The following MAGI2 variants were observed in gnomAD, a reference collection of about 807,000 sequenced individuals.
The protein encoded by MAGI2 is membrane associated guanylate kinase, WW and PDZ domain containing 2.
In MAGI2, 35 loss-of-function variants were observed where a neutral mutation model predicts 133.3. The observed-to-expected ratio is 0.26, with a 90% confidence interval of 0.20 to 0.35. The LOEUF (loss-of-function observed/expected upper bound fraction) is 0.35. Ranked by LOEUF, MAGI2 falls within the 10% of genes least tolerant of loss-of-function variation. MAGI2 has a pLI of 1.00. For missense variants in MAGI2, 1,636 were observed against 1,863.4 expected, an observed-to-expected ratio of 0.88 and a Z score of 2.25; for synonymous variants, 729 against 710.6, an observed-to-expected ratio of 1.03 and a Z score of -0.41.
intron 1 of MAGI2, among the ~76,000 whole-genome samples, chr7:79,019,919 G>T (rs554571771): frequency 6.6e-6 from 1 of 152,160 alleles, no homozygotes. Context: ...GTGGGGTGCT[G>T]CTGTAAAGAT....
At chr7:79,449,573 G>T (rs901364512) in intron 1 of MAGI2, among the ~76,000 whole-genome samples, 2 of 151,850 alleles carry the variant, frequency 1.3e-5, no homozygotes, top group African/African-American at 4.8e-5. Context: ...CTTCCATATA[G>T]ATCTCAACAT....
At chr7:78,067,905 G>T (rs775383561) in intron 21 of MAGI2, among the ~76,000 whole-genome samples, 1 of 152,158 alleles carries the variant, frequency 6.6e-6, no homozygotes, top group Non-Finnish European at 1.5e-5. Flanking sequence ...ACGGTTATTG[G>T]TTGCCAGGGG....
chr7:78,326,118 T>G (rs567560429), intron 9 of MAGI2, among the ~76,000 whole-genome samples: 20 of 152,310 alleles, frequency 1.3e-4, no homozygotes, highest in African/African-American at 3.4e-4. Context: ...CTCCCAGATT[T>G]AGAGACTCCC....
chr7:79,241,753 C>A (rs190671048), intron 1 of MAGI2, among the ~76,000 whole-genome samples: 1 of 152,206 alleles, frequency 6.6e-6, no homozygotes, highest in East Asian at 1.9e-4. Flanking sequence ...CCCAACTGAT[C>A]CTATAGATAA....
At chr7:78,501,316 C>T (rs1794598844) in intron 5 of MAGI2, among the ~76,000 whole-genome samples, 4 of 152,064 alleles carry the variant, frequency 2.6e-5, no homozygotes, top group Admixed American at 2.6e-4. Context: ...AATAACATCA[C>T]ATGGAGATTT....
chr7:78,187,904 A>G (rs763370930), intron 12 of MAGI2, among the ~76,000 whole-genome samples: 4 of 152,184 alleles, frequency 2.6e-5, no homozygotes, highest in Non-Finnish European at 5.9e-5. Flanking sequence ...ATTGGGTTAC[A>G]TTGTCAACTT....
intron 3 of MAGI2, among the ~76,000 whole-genome samples, chr7:78,524,235 C>T (rs1470740140): frequency 6.6e-6 from 1 of 152,198 alleles, no homozygotes; most frequent in Non-Finnish European, 1.5e-5. Flanking sequence ...GAAAGAGCCT[C>T]TCCCTGCCCC....
intron 1 of MAGI2, among the ~76,000 whole-genome samples, chr7:79,054,147 G>A (rs1812927619): frequency 6.6e-6 from 1 of 152,148 alleles, no homozygotes; most frequent in Non-Finnish European, 1.5e-5. Flanking sequence ...AATGAGCCAA[G>A]ATTGGACCAC....
chr7:78,046,222 C>G (rs1444014453), intron 21 of MAGI2, among the ~76,000 whole-genome samples: 1 of 147,004 alleles, frequency 6.8e-6, no homozygotes, highest in African/African-American at 2.6e-5. Flanking sequence ...GTGGTGAAAC[C>G]CTGTCTCTAC....
chr7:79,396,873 C>T (rs545500089), intron 1 of MAGI2, among the ~76,000 whole-genome samples: 61 of 119,894 alleles, frequency 5.1e-4, no homozygotes, highest in African/African-American at 2.3e-3. Context: ...GACAGAGTCA[C>T]ATTTCACATA....
At chr7:79,104,752 T>C (rs1818302195) in intron 1 of MAGI2, among the ~76,000 whole-genome samples, 1 of 152,090 alleles carries the variant, frequency 6.6e-6, no homozygotes. Context: ...CAAGCAGCCA[T>C]GAGGTTATGA....
intron 2 of MAGI2, among the ~76,000 whole-genome samples, chr7:78,783,620 G>A (rs756398883): frequency 5.3e-5 from 8 of 152,102 alleles, no homozygotes; most frequent in Non-Finnish European, 1.0e-4. Flanking sequence ...TTTCTCCATT[G>A]GAAATCAATA....
chr7:78,854,879 C>T (rs542920115), intron 2 of MAGI2, among the ~76,000 whole-genome samples: 9 of 151,270 alleles, frequency 5.9e-5, no homozygotes, highest in Non-Finnish European at 1.2e-4. Flanking sequence ...ATTCTTGAGA[C>T]GGAGTCTCGC....
At chr7:79,026,857 A>G (rs995861255) in intron 1 of MAGI2, among the ~76,000 whole-genome samples, 2 of 145,462 alleles carry the variant, frequency 1.4e-5, no homozygotes, top group Non-Finnish European at 3.0e-5. Context: ...ACAGAGCAAG[A>G]CTGTCTCTGA....
intron 1 of MAGI2, among the ~76,000 whole-genome samples, chr7:79,351,582 T>C (rs1193670853): frequency 6.6e-6 from 1 of 152,228 alleles, no homozygotes; most frequent in Non-Finnish European, 1.5e-5. Context: ...ATGTCAGATG[T>C]ATCAATCTAG....
chr7:79,136,109 G>GAAAGA (rs1722973634), intron 1 of MAGI2, among the ~76,000 whole-genome samples: 1 of 150,280 alleles, frequency 6.7e-6, no homozygotes, highest in Admixed American at 6.6e-5. Context: ...AAGAAAGAAA[G>GAAAGA]AAAGAAAGAA....
chr7:78,248,160 G>T (rs915691505), intron 10 of MAGI2, among the ~76,000 whole-genome samples: 1 of 152,204 alleles, frequency 6.6e-6, no homozygotes, highest in Non-Finnish European at 1.5e-5. Context: ...GTCTAAGAAA[G>T]AAGGGGATGA....
At chr7:78,768,763 A>AT (rs1049481830) in intron 2 of MAGI2, among the ~76,000 whole-genome samples, 13 of 152,140 alleles carry the variant, frequency 8.5e-5, no homozygotes, top group Admixed American at 3.9e-4. Flanking sequence ...AAGAATTATT[A>AT]TTTTTTTCTG....
At chr7:78,280,640 G>A (rs1209744661) in intron 9 of MAGI2, among the ~76,000 whole-genome samples, 1 of 152,072 alleles carries the variant, frequency 6.6e-6, no homozygotes, top group Non-Finnish European at 1.5e-5. Flanking sequence ...AGAAAGATTA[G>A]ACTGAGACGT....
Sources: allele counts gnomAD v4.1 joint callset (sites outside exome capture counted in the v4.1 genomes callset), GRCh38; gene constraint gnomAD v4.1.1; transcripts MANE v1.5; gene names NCBI Gene and HGNC (gene_info 2026-07-23, HGNC 2026-07-21).